Variants in FSTL5 observed in about 807,000 individuals in gnomAD.
FSTL5 encodes the protein follistatin-related protein 5.
Under a neutral mutation model 89.1 loss-of-function variants are expected in FSTL5, and 62 were observed. The observed-to-expected ratio is 0.70, with a 90% CI of 0.57 to 0.86. FSTL5 has a LOEUF of 0.86. Ranked by LOEUF, FSTL5 falls within the 40% of genes least tolerant of loss-of-function variation. FSTL5 has a pLI of 0.00. For missense variants in FSTL5, 1,057 were observed against 1,001.6 expected (o/e 1.06, Z -0.75); for synonymous variants, 383 against 346.2 (o/e 1.11, Z -1.18).
chr4:161,833,617 T>C (rs1055278729), intron 4 of FSTL5, among the ~76,000 whole-genome samples: 10 of 152,094 alleles, frequency 6.6e-5, no homozygotes, highest in African/African-American at 2.4e-4. Context: ...GTTGAATTAA[T>C]CCTTTTACCA....
chr4:162,041,202 TAAAAAAAAA>T (rs5863513), intron 2 of FSTL5, among the ~76,000 whole-genome samples: 1 of 97,778 alleles, frequency 1.0e-5, no homozygotes, highest in Admixed American at 1.1e-4. Flanking sequence ...GATGAGATGG[TAAAAAAAAA>T]AAAAAAAAAA....
At chr4:161,578,608 C>T (rs1733317939) in intron 8 of FSTL5, among the ~76,000 whole-genome samples, 1 of 151,852 alleles carries the variant, frequency 6.6e-6, no homozygotes, top group Non-Finnish European at 1.5e-5. Context: ...ATCCCAAAGT[C>T]CAAGTAGCTG....
At chr4:161,734,740 C>T (rs1224607931) in intron 6 of FSTL5, among the ~76,000 whole-genome samples, 1 of 152,204 alleles carries the variant, frequency 6.6e-6, no homozygotes, top group East Asian at 1.9e-4. Context: ...AAGCAATCAA[C>T]ACAGGAGACA....
intron 1 of FSTL5, among the ~76,000 whole-genome samples, chr4:162,158,239 G>A (rs1331327323): frequency 6.6e-6 from 1 of 151,974 alleles, no homozygotes; most frequent in Non-Finnish European, 1.5e-5. Context: ...GAACTCCTAG[G>A]AAACATTATC....
intron 15 of FSTL5, among the ~76,000 whole-genome samples, chr4:161,445,549 C>T (rs1230080824): frequency 1.3e-5 from 2 of 151,620 alleles, no homozygotes; most frequent in South Asian, 2.1e-4. Flanking sequence ...CCAAATATTA[C>T]GATAGTCCAA....
intron 3 of FSTL5, among the ~76,000 whole-genome samples, chr4:162,007,605 T>C (rs978298158): frequency 1.3e-5 from 2 of 151,168 alleles, no homozygotes; most frequent in East Asian, 3.9e-4. Context: ...TGGAACACAA[T>C]ATTTCATCAT....
chr4:161,972,369 G>A (rs547041454), intron 3 of FSTL5, among the ~76,000 whole-genome samples: 6 of 152,162 alleles, frequency 3.9e-5, no homozygotes, highest in African/African-American at 1.4e-4. Context: ...CCATCACACC[G>A]CCCCGACATG....
chr4:162,098,822 C>T (rs1374268209), intron 2 of FSTL5, among the ~76,000 whole-genome samples: 2 of 151,948 alleles, frequency 1.3e-5, no homozygotes, highest in African/African-American at 2.4e-5. Context: ...TACAATCGAG[C>T]AAAGATAGTA....
chr4:162,153,728 G>GTATACA (rs1733343067), intron 1 of FSTL5, among the ~76,000 whole-genome samples: 1 of 83,866 alleles, frequency 1.2e-5, no homozygotes, highest in African/African-American at 4.1e-5. Flanking sequence ...AATAATATAT[G>GTATACA]TATATATGTA....
chr4:162,076,980 T>C (rs954866324), intron 2 of FSTL5, among the ~76,000 whole-genome samples: 4 of 151,874 alleles, frequency 2.6e-5, no homozygotes, highest in Non-Finnish European at 4.4e-5. Flanking sequence ...CTGGATACCT[T>C]GAAATATAGC....
intron 4 of FSTL5, among the ~76,000 whole-genome samples, chr4:161,781,132 T>A (rs959279607): frequency 6.6e-6 from 1 of 152,158 alleles, no homozygotes; most frequent in African/African-American, 2.4e-5. Flanking sequence ...TAATTGCTAA[T>A]AAAACACAAA....
intron 1 of FSTL5, among the ~76,000 whole-genome samples, chr4:162,117,184 T>G (rs1047490248): frequency 1.3e-5 from 2 of 152,224 alleles, no homozygotes; most frequent in African/African-American, 2.4e-5. Context: ...AACTGACTTC[T>G]AGACTACCTT....
intron 4 of FSTL5, among the ~76,000 whole-genome samples, chr4:161,822,515 A>G (rs1189512222): frequency 6.6e-6 from 1 of 152,210 alleles, no homozygotes; most frequent in African/African-American, 2.4e-5. Flanking sequence ...TAGACCAAGT[A>G]TACTGCAAAC....
At chr4:161,552,588 G>C (rs574541990) in intron 8 of FSTL5, 2 of 151,694 alleles carry the variant, frequency 1.3e-5, no homozygotes, top group South Asian at 4.1e-4. Flanking sequence ...CTTATGAAGG[G>C]ACAGAAAGAA....
At chr4:161,586,640 G>A (rs1578947021) in intron 8 of FSTL5, among the ~76,000 whole-genome samples, 1 of 152,158 alleles carries the variant, frequency 6.6e-6, no homozygotes, top group East Asian at 1.9e-4. Context: ...AAATCAGAAT[G>A]TGCTACTCTG....
At chr4:161,695,230 C>T (rs927942875) in intron 6 of FSTL5, among the ~76,000 whole-genome samples, 1 of 151,948 alleles carries the variant, frequency 6.6e-6, no homozygotes, top group Non-Finnish European at 1.5e-5. Flanking sequence ...CCCCCGAGTC[C>T]CCAAAGTCCA....
intron 6 of FSTL5, among the ~76,000 whole-genome samples, chr4:161,694,690 T>C (rs1195671253): frequency 1.3e-5 from 2 of 152,052 alleles, no homozygotes; most frequent in Non-Finnish European, 2.9e-5. Flanking sequence ...TTATGTTTCT[T>C]TTATGTTTTA....
intron 6 of FSTL5, among the ~76,000 whole-genome samples, chr4:161,748,510 T>C (rs913301740): frequency 6.6e-6 from 1 of 151,788 alleles, no homozygotes; most frequent in Non-Finnish European, 1.5e-5. Context: ...ACGTGGAAGG[T>C]AAAACATTAA....
chr4:161,574,081 C>T (rs1733127671), intron 8 of FSTL5, among the ~76,000 whole-genome samples: 1 of 152,088 alleles, frequency 6.6e-6, no homozygotes, highest in Admixed American at 6.6e-5. Context: ...ACATATCCTG[C>T]TTCCTTCTTT....
Sources: allele counts gnomAD v4.1 joint callset (sites outside exome capture counted in the v4.1 genomes callset), GRCh38; gene constraint gnomAD v4.1.1; transcripts MANE v1.5; gene names NCBI Gene and HGNC (gene_info 2026-07-23, HGNC 2026-07-21).